AHCY: variants seen among roughly 807,000 people sequenced by gnomAD.
AHCY encodes S-adenosyl-L-homocysteine hydrolase.
A neutral mutation model predicts 45.4 loss-of-function variants in AHCY; 24 were observed. That is an observed-to-expected ratio of 0.53 (90% CI 0.38 to 0.74). AHCY has a LOEUF of 0.74. Among genes scored for constraint, AHCY ranks in the 30% least tolerant of loss-of-function variants. AHCY has a pLI of 0.00. For missense variants in AHCY, 449 were observed against 594.1 expected (o/e 0.76, Z 2.54); for synonymous variants, 245 against 235.1 (o/e 1.04, Z -0.39).
chr20:34,234,001 T>C, the AHCY span, among the ~76,000 whole-genome samples: 1 of 152,184 alleles, frequency 6.6e-6, no homozygotes, highest in Non-Finnish European at 1.5e-5. Flanking sequence ...AGGTCACAAA[T>C]CTGGCATGTA....
chr20:34,281,087 A>G lies in AHCY; in HGVS notation c.1246T>C (p.Tyr416His). The change falls in exon 10 of 10, where the codon TAC (tyrosine) becomes CAC (histidine). Residue 416 changes from tyrosine (Y) to histidine (H), a missense_variant. Tyr to His is a moderately conservative substitution (Grantham distance 83). Transcript: ENST00000217426. ...LTKLTEKQAQ[Y>H]LGMSCDGPFK... is the part of the protein sequence containing the mutation. The stretch of plus-strand genomic sequence containing the variant: ...GGGCCATCACAGGACATGCCCAGGT[A>G]CTGGGCTTGCTTCTCAGTTAGCTTG... 6.2e-7 allele frequency: 1 copy of G among 1,614,172 alleles called. No individual in the cohort carries two copies. Among genetic ancestry groups the G allele is most frequent in the Non-Finnish European group, 8.5e-7 (1 of 1,180,028 alleles).
the AHCY span, among the ~76,000 whole-genome samples, chr20:34,235,880 A>G: frequency 3.0e-5 from 3 of 98,864 alleles, no homozygotes; most frequent in African/African-American, 1.8e-4. Flanking sequence ...GAAGGAAGGA[A>G]GGAAGGAAGG....
At chr20:34,269,361 T>C in the AHCY span, 2 of 703,466 alleles carry the variant, frequency 2.8e-6, no homozygotes, top group South Asian at 5.3e-5. Flanking sequence ...TGTGCGGCTG[T>C]TTCTGTAAAG....
At chr20:34,307,120 CT>C (rs61016665), upstream of AHCY, among the ~76,000 whole-genome samples, 15,477 of 142,858 alleles carry the variant, frequency 0.11, 2,494 homozygotes, top group African/African-American at 0.36. Flanking sequence ...TTTTCTTTTT[CT>C]TTTTTTTTTT....
chr20:34,308,945 C>A (rs370046727), intron 1 of AHCY, among the ~76,000 whole-genome samples: 5 of 148,276 alleles, frequency 3.4e-5, no homozygotes, highest in Admixed American at 6.7e-5. Flanking sequence ...TGAGCCACTG[C>A]GCCTGGCCAA....
the AHCY span, chr20:34,241,510 T>C: frequency 4.1e-6 from 4 of 985,472 alleles, no homozygotes; most frequent in Non-Finnish European, 4.8e-6. Flanking sequence ...ATGGCAACTT[T>C]AATCTGCTTT....
chr20:34,301,235 G>C (rs2036760732), intron 1 of AHCY, among the ~76,000 whole-genome samples: 1 of 152,134 alleles, frequency 6.6e-6, no homozygotes, highest in Non-Finnish European at 1.5e-5. Flanking sequence ...CCTCCTGGGA[G>C]GGGCCCGGCT....
At chr20:34,248,230 T>C in the AHCY span, among the ~76,000 whole-genome samples, 1 of 151,668 alleles carries the variant, frequency 6.6e-6, no homozygotes, top group African/African-American at 2.4e-5. Context: ...CCTCTGAAGG[T>C]ATGTCTAGAA....
intron 1 of AHCY, 47 bp downstream of exon 1, chr20:34,303,196 G>A (rs1465564172): frequency 6.5e-6 from 10 of 1,550,228 alleles, no homozygotes; most frequent in Admixed American, 3.9e-5. Flanking sequence ...AACAAGCCCC[G>A]GGCGGGTGCC....
downstream of AHCY, among the ~76,000 whole-genome samples, chr20:34,275,832 A>G (rs553877446): frequency 6.6e-6 from 1 of 151,910 alleles, no homozygotes; most frequent in Non-Finnish European, 1.5e-5. Flanking sequence ...GTGCATCACC[A>G]TGCCCGGCTA....
chr20:34,291,656 C>T, intron 4 of AHCY, 125 bp from the exon 5 acceptor site: 1 of 878,786 alleles, frequency 1.1e-6, no homozygotes, highest in Non-Finnish European at 1.8e-6. Context: ...ATCCCACAGG[C>T]CCCCCAATCA....
chr20:34,303,362 G>T (rs377347348), upstream of AHCY: 3 of 1,521,082 alleles, frequency 2.0e-6, no homozygotes, highest in Admixed American at 2.0e-5. Context: ...AGGGATATGC[G>T]CGTGGCGCCG....
chr20:34,302,071 G>C, intron 1 of AHCY: 1 of 804,524 alleles, frequency 1.2e-6, no homozygotes, highest in Non-Finnish European at 1.5e-6. Context: ...TGCAATCTCG[G>C]CTCACTGCAA....
chr20:34,247,172 A>T, the AHCY span, among the ~76,000 whole-genome samples: 1 of 151,498 alleles, frequency 6.6e-6, no homozygotes, highest in Non-Finnish European at 1.5e-5. Flanking sequence ...TTAACATTGT[A>T]TATGCCTCTC....
downstream of AHCY, among the ~76,000 whole-genome samples, chr20:34,279,700 T>A (rs819172): frequency 2.0e-5 from 3 of 152,084 alleles, no homozygotes; most frequent in Non-Finnish European, 4.4e-5. Flanking sequence ...GATGAGCATC[T>A]AAGCCAGAGT....
intron 3 of AHCY, among the ~76,000 whole-genome samples, chr20:34,292,813 AG>A (rs1392367886): frequency 1.3e-5 from 2 of 152,194 alleles, no homozygotes; most frequent in African/African-American, 4.8e-5. Flanking sequence ...AGCCATGTAC[AG>A]CCCCCCGCCC....
At chr20:34,303,414 C>T (rs1255022618), upstream of AHCY, 3 of 1,250,872 alleles carry the variant, frequency 2.4e-6, no homozygotes, top group Non-Finnish European at 3.4e-6. Flanking sequence ...ATTCATGACC[C>T]GCTGGGGCGG....
chr20:34,269,249 C>T, the AHCY span: 1 of 1,409,972 alleles, frequency 7.1e-7, no homozygotes, highest in Non-Finnish European at 9.2e-7. Flanking sequence ...AACAGGGCGG[C>T]TTCCCAGGGC....
chr20:34,267,006 A>G, the AHCY span, among the ~76,000 whole-genome samples: 1 of 152,206 alleles, frequency 6.6e-6, no homozygotes, highest in East Asian at 1.9e-4. Flanking sequence ...GCACTGTGTG[A>G]TCTTGAAAGT....
Sources: allele counts gnomAD v4.1 joint callset (sites outside exome capture counted in the v4.1 genomes callset), GRCh38; gene constraint gnomAD v4.1.1; transcripts MANE v1.5; gene names NCBI Gene and HGNC (gene_info 2026-07-23, HGNC 2026-07-21).